CYTH1: variants seen among roughly 807,000 people sequenced by gnomAD.
CYTH1 encodes cytohesin-1.
In CYTH1, 18 loss-of-function variants were observed where a neutral mutation model predicts 61.8. That is an observed-to-expected ratio of 0.29 (90% CI 0.20 to 0.43). The LOEUF is 0.43. Among genes scored for constraint, CYTH1 ranks in the 20% least tolerant of loss-of-function variants. The pLI, the probability that CYTH1 is intolerant of heterozygous loss-of-function variation, is 1.00. For synonymous variants in CYTH1, 174 were observed against 184.3 expected, an observed-to-expected ratio of 0.94 and a Z score of 0.45; for missense variants, 336 against 510.5, an observed-to-expected ratio of 0.66 and a Z score of 3.29.
intron 1 of CYTH1, among the ~76,000 whole-genome samples, chr17:78,764,734 T>TG (rs2093441604): frequency 6.6e-6 from 1 of 150,626 alleles, no homozygotes; most frequent in South Asian, 2.1e-4. Flanking sequence ...GCAGAGGGAG[T>TG]GGGGGAGCAT....
chr17:78,710,129 G>A (rs374287076), intron 1 of CYTH1, among the ~76,000 whole-genome samples: 1 of 152,110 alleles, frequency 6.6e-6, no homozygotes, highest in East Asian at 1.9e-4. Flanking sequence ...CAGAGTCTCC[G>A]AGATGGAAAG....
At chr17:78,731,385 C>T (rs1252479600) in intron 1 of CYTH1, among the ~76,000 whole-genome samples, 1 of 152,106 alleles carries the variant, frequency 6.6e-6, no homozygotes, top group Admixed American at 6.5e-5. Context: ...TAACACAAAA[C>T]CCATATGAAT....
intron 2 of CYTH1, among the ~76,000 whole-genome samples, chr17:78,708,752 AC>A (rs1482572280): frequency 1.3e-5 from 2 of 152,204 alleles, no homozygotes; most frequent in Non-Finnish European, 2.9e-5. Context: ...ATCCGCACCC[AC>A]CCTCCTCATT....
chr17:78,681,936 C>G (rs2092768855), intron 11 of CYTH1, among the ~76,000 whole-genome samples: 1 of 152,012 alleles, frequency 6.6e-6, no homozygotes, highest in Admixed American at 6.6e-5. Context: ...CTATTTCCAA[C>G]TTCTTCAAGC....
chr17:78,761,670 G>C (rs1014954240), intron 1 of CYTH1, among the ~76,000 whole-genome samples: 1 of 152,098 alleles, frequency 6.6e-6, no homozygotes, highest in East Asian at 1.9e-4. Flanking sequence ...CCCGGGAGGC[G>C]GAGCTTGCAG....
At chr17:78,685,836 C>G (rs1394493921) in intron 11 of CYTH1, among the ~76,000 whole-genome samples, 2 of 152,188 alleles carry the variant, frequency 1.3e-5, no homozygotes, top group Non-Finnish European at 2.9e-5. Flanking sequence ...GGTCTTGGGT[C>G]ATTCTTCTCT....
rs868828600 is a variant in CYTH1, at chr17:78,690,428, A to G, written c.891+1989T>C. On this transcript the variant is annotated intron_variant, in intron 11 of 13. Coordinates refer to ENST00000446868, the MANE Select transcript of CYTH1 (RefSeq NM_004762.6). ...AAAAAAAAAAAAAAAAAAAAAAAAA[A>G]AAAGAAATGTATTTACTGCTGGGTG... Among the ~76,000 whole-genome samples the G allele has an allele frequency of 2.5e-4, 36 of 142,200 alleles. No homozygotes were observed. In the Middle Eastern group the frequency reaches 0.011, roughly 44 times the overall value. The allele number at this position is 142,200 out of a possible 152,430, so 93.3% of individuals were successfully genotyped here. A position where few individuals can be genotyped will look rare whatever the true frequency, so the allele number is the denominator to read the frequency against.
chr17:78,745,311 G>T (rs1394234816), intron 1 of CYTH1, among the ~76,000 whole-genome samples: 2 of 152,134 alleles, frequency 1.3e-5, no homozygotes, highest in Non-Finnish European at 2.9e-5. Flanking sequence ...ATGTCAAAAA[G>T]ACTTTGGAAA....
At chr17:78,725,729 C>T (rs1035221853) in intron 1 of CYTH1, among the ~76,000 whole-genome samples, 1 of 152,210 alleles carries the variant, frequency 6.6e-6, no homozygotes, top group African/African-American at 2.4e-5. Context: ...AAGGCTTTAG[C>T]TTGACCCAGG....
chr17:78,688,738 G>GA (rs1870446852), intron 11 of CYTH1, among the ~76,000 whole-genome samples: 1 of 152,168 alleles, frequency 6.6e-6, no homozygotes, highest in South Asian at 2.1e-4. Context: ...CTTGTCTTTT[G>GA]ATGCAGGGTG....
chr17:78,681,151 G>C, intron 11 of CYTH1, 109 bp from the exon 12 acceptor site: 1 of 1,089,338 alleles, frequency 9.2e-7, no homozygotes, highest in African/African-American at 1.6e-5. Flanking sequence ...CCCAGGACAT[G>C]AAGTTCATAA....
At chr17:78,699,083 T>C (rs2092979232) in intron 7 of CYTH1, 115 bp from the exon 8 acceptor site, 6 of 1,318,424 alleles carry the variant, frequency 4.6e-6, no homozygotes, top group Non-Finnish European at 6.3e-6. Context: ...AACCATGTTC[T>C]CGGCCAGATG....
At chr17:78,703,507 A>G (rs934645909) in intron 3 of CYTH1, among the ~76,000 whole-genome samples, 1 of 152,030 alleles carries the variant, frequency 6.6e-6, no homozygotes, top group African/African-American at 2.4e-5. Context: ...TATACTTACT[A>G]AGTTGTGCAA....
chr17:78,760,371 A>G (rs1156302267), intron 1 of CYTH1, among the ~76,000 whole-genome samples: 3 of 62,272 alleles, frequency 4.8e-5, no homozygotes, highest in Non-Finnish European at 9.5e-5. Flanking sequence ...ATATATATAT[A>G]TATATATATA....
intron 1 of CYTH1, among the ~76,000 whole-genome samples, chr17:78,760,736 CAT>C (rs1007960689): frequency 1.4e-4 from 21 of 151,378 alleles, no homozygotes; most frequent in African/African-American, 5.1e-4. Flanking sequence ...ACACAAAAAG[CAT>C]CATATACTTA....
In CYTH1 at chr17:78,768,029, GTCC is replaced by G. The variant is rs1207419128; in HGVS notation, c.22+14170_22+14172del. On this transcript the variant is annotated intron_variant, in intron 1 of 13. Transcript: ENST00000446868. Reference sequence around the variant, plus strand: ...GACAAAATGAAATGTGAGACCGATCGTCCTGGAGGTTTACAACACATCACATAT... The same window carrying G: ...GACAAAATGAAATGTGAGACCGATCGTGGAGGTTTACAACACATCACATAT... 2.6e-5 allele frequency among the ~76,000 whole-genome samples: 4 copies of G among 152,294 alleles called. No homozygotes were observed. In the East Asian group the frequency reaches 7.7e-4, roughly 29 times the overall value.
At chr17:78,769,928 G>A (rs1233400483) in intron 1 of CYTH1, among the ~76,000 whole-genome samples, 4 of 151,990 alleles carry the variant, frequency 2.6e-5, no homozygotes, top group Non-Finnish European at 1.5e-5. Context: ...GAGGTGGGTG[G>A]ATCACGAGGT....
chr17:78,677,072 T>C, intron 13 of CYTH1: 1 of 456,026 alleles, frequency 2.2e-6, no homozygotes, highest in African/African-American at 2.0e-5. Context: ...AGACAGTGTG[T>C]CCATGAGAAA....
At chr17:78,780,029 C>G in intron 1 of CYTH1, among the ~76,000 whole-genome samples, 1 of 152,230 alleles carries the variant, frequency 6.6e-6, no homozygotes. Context: ...CCCACGGCAG[C>G]AGGCAAGAAC....
Sources: allele counts gnomAD v4.1 joint callset (sites outside exome capture counted in the v4.1 genomes callset), GRCh38; gene constraint gnomAD v4.1.1; transcripts MANE v1.5; gene names NCBI Gene and HGNC (gene_info 2026-07-23, HGNC 2026-07-21).